Variants in PPP1R9A observed in about 807,000 individuals in gnomAD.
The protein encoded by PPP1R9A is protein phosphatase 1 regulatory subunit 9A.
A neutral mutation model predicts 141.9 loss-of-function variants in PPP1R9A; 59 were observed. The ratio of observed to expected loss-of-function variants is 0.42; its 90% CI spans 0.34 to 0.52. The LOEUF (loss-of-function observed/expected upper bound fraction) is 0.52. PPP1R9A is among the 20% of genes least tolerant of loss of function. The pLI, the probability that PPP1R9A is intolerant of heterozygous loss-of-function variation, is 0.10. For missense variants in PPP1R9A, 1,444 were observed against 1,611.9 expected, an observed-to-expected ratio of 0.90 and a Z score of 1.78; for synonymous variants, 500 against 569.7, an observed-to-expected ratio of 0.88 and a Z score of 1.74.
At chr7:95,180,892 C>T (rs1369318384) in intron 5 of PPP1R9A, among the ~76,000 whole-genome samples, 1 of 151,896 alleles carries the variant, frequency 6.6e-6, no homozygotes, top group Non-Finnish European at 1.5e-5. Flanking sequence ...GACATGGATG[C>T]AGTGATCATG....
At chr7:95,240,029 T>C (rs563031865) in intron 8 of PPP1R9A, among the ~76,000 whole-genome samples, 26 of 152,206 alleles carry the variant, frequency 1.7e-4, no homozygotes, top group African/African-American at 5.8e-4. Context: ...TTTTAAAGAA[T>C]AATTTCTTCA....
At chr7:95,272,608 T>C (rs997615124) in intron 14 of PPP1R9A, among the ~76,000 whole-genome samples, 15 of 152,214 alleles carry the variant, frequency 9.9e-5, no homozygotes, top group African/African-American at 3.6e-4. Flanking sequence ...GAAAAGCTCA[T>C]TGCTAAAAAC....
intron 2 of PPP1R9A, among the ~76,000 whole-genome samples, chr7:94,914,422 T>C (rs1791818499): frequency 1.3e-5 from 2 of 152,310 alleles, no homozygotes; most frequent in African/African-American, 4.8e-5. Context: ...ATATACCTTG[T>C]ACTTGTACAT....
intron 3 of PPP1R9A, among the ~76,000 whole-genome samples, chr7:95,116,825 A>G (rs1821606922): frequency 6.6e-6 from 1 of 152,174 alleles, no homozygotes; most frequent in African/African-American, 2.4e-5. Context: ...TGATCAGTGG[A>G]ACAAAATAGA....
At chr7:95,028,193 A>T (rs778208036) in intron 2 of PPP1R9A, among the ~76,000 whole-genome samples, 2 of 152,190 alleles carry the variant, frequency 1.3e-5, no homozygotes, top group Non-Finnish European at 2.9e-5. Flanking sequence ...ACTGTAGAGA[A>T]ATCAAGTATA....
chr7:94,980,556 C>G (rs1269161295), intron 2 of PPP1R9A, among the ~76,000 whole-genome samples: 1 of 151,600 alleles, frequency 6.6e-6, no homozygotes, highest in Non-Finnish European at 1.5e-5. Context: ...TCACCTCAGC[C>G]TCCCAAGTAG....
At chr7:94,944,459 C>G (rs185854709) in intron 2 of PPP1R9A, among the ~76,000 whole-genome samples, 3 of 147,238 alleles carry the variant, frequency 2.0e-5, no homozygotes, top group Non-Finnish European at 4.5e-5. Flanking sequence ...CCCCACCCCC[C>G]GATTAAAAAA....
intron 14 of PPP1R9A, 72 bp from the exon 15 acceptor site, chr7:95,273,827 A>T: frequency 7.7e-7 from 1 of 1,306,048 alleles, no homozygotes; most frequent in South Asian, 1.3e-5. Flanking sequence ...AGATTCAGAG[A>T]TGCATTGACT....
chr7:94,907,900 G>A (rs1267093343), intron 1 of PPP1R9A, 198 bp downstream of exon 1: 4 of 147,802 alleles, frequency 2.7e-5, no homozygotes, highest in Non-Finnish European at 6.0e-5. Context: ...GCGTTGGGGA[G>A]CGCAGCGCGC....
At chr7:95,107,525 T>G (rs1819714326) in intron 2 of PPP1R9A, among the ~76,000 whole-genome samples, 1 of 152,166 alleles carries the variant, frequency 6.6e-6, no homozygotes, top group Non-Finnish European at 1.5e-5. Flanking sequence ...ATTTTTGTTC[T>G]GAATTGTATT....
At chr7:95,080,700 C>G (rs537181254) in intron 2 of PPP1R9A, among the ~76,000 whole-genome samples, 4 of 152,294 alleles carry the variant, frequency 2.6e-5, no homozygotes, top group African/African-American at 7.2e-5. Flanking sequence ...TACTTCTACT[C>G]TGTTTTTAGA....
At chr7:95,163,854 C>T (rs1585028240) in intron 5 of PPP1R9A, among the ~76,000 whole-genome samples, 1 of 152,152 alleles carries the variant, frequency 6.6e-6, no homozygotes, top group African/African-American at 2.4e-5. Flanking sequence ...GTTCTCCTGC[C>T]TCAGCCTCGC....
rs533824566 is a variant in PPP1R9A at position 95,076,418 on chromosome 7, C to G, written c.1396-34841C>G. 6.5e-3 allele frequency among the ~76,000 whole-genome samples: 985 copies of G among 152,226 alleles called. 10 individuals carry two copies. The highest frequency in any genetic ancestry group is 0.023 in the African/African-American group (938 of 41,542). On this transcript the variant is annotated intron_variant, in intron 2 of 19. Coordinates refer to ENST00000433360, the MANE Select transcript of PPP1R9A (RefSeq NM_001166160.2). ...CCATTTATTGTATAATCCACCTTCT[C>G]TTCATTATTTTGACATATTTTGTAT...
At chr7:95,245,016 C>T (rs979989332) in intron 8 of PPP1R9A, among the ~76,000 whole-genome samples, 1 of 152,206 alleles carries the variant, frequency 6.6e-6, no homozygotes, top group African/African-American at 2.4e-5. Flanking sequence ...AAGTTAACTA[C>T]TCTTCATGCT....
intron 2 of PPP1R9A, among the ~76,000 whole-genome samples, chr7:95,054,364 A>T (rs1277220781): frequency 6.6e-6 from 1 of 151,658 alleles, no homozygotes; most frequent in Admixed American, 6.6e-5. Flanking sequence ...ACCTCAAATG[A>T]TCCATCTGCC....
intron 14 of PPP1R9A, among the ~76,000 whole-genome samples, chr7:95,272,814 C>T: frequency 6.6e-6 from 1 of 152,228 alleles, no homozygotes; most frequent in Admixed American, 6.5e-5. Context: ...GAGGGCCATT[C>T]TCTTTGCCTT....
At chr7:94,966,911 T>G (rs990999479) in intron 2 of PPP1R9A, among the ~76,000 whole-genome samples, 3 of 152,210 alleles carry the variant, frequency 2.0e-5, no homozygotes, top group African/African-American at 7.2e-5. Flanking sequence ...TCTTTGTACC[T>G]TTGGTAGCAT....
intron 8 of PPP1R9A, among the ~76,000 whole-genome samples, chr7:95,228,639 C>T (rs1795480434): frequency 1.3e-5 from 2 of 152,086 alleles, no homozygotes; most frequent in African/African-American, 4.8e-5. Context: ...TCAAAAATGC[C>T]TTTATTTTTC....
At chr7:94,988,022 A>C (rs1801056323) in intron 2 of PPP1R9A, among the ~76,000 whole-genome samples, 1 of 152,172 alleles carries the variant, frequency 6.6e-6, no homozygotes, top group African/African-American at 2.4e-5. Context: ...AAAAATAGTT[A>C]ACACAGTAAA....
Sources: gnomAD v4.1 joint callset for allele counts (sites outside exome capture counted in the v4.1 genomes callset) on GRCh38, gnomAD v4.1.1 for gene constraint, MANE v1.5 for transcripts, NCBI Gene and HGNC (gene_info 2026-07-23, HGNC 2026-07-21) for gene names.